Variants in STARD13 observed in about 807,000 individuals in gnomAD.
The protein encoded by STARD13 is StAR related lipid transfer domain containing 13.
In STARD13, 62 loss-of-function variants were observed where a neutral mutation model predicts 106.4. The observed-to-expected ratio is 0.58, with a 90% CI of 0.48 to 0.72. The LOEUF is 0.72. Among genes scored for constraint, STARD13 ranks in the 30% least tolerant of loss-of-function variants. STARD13 has a pLI of 0.00. For missense variants in STARD13, 1,387 were observed against 1,424.0 expected, an observed-to-expected ratio of 0.97 and a Z score of 0.42; for synonymous variants, 565 against 553.0, an observed-to-expected ratio of 1.02 and a Z score of -0.31.
At chr13:33,636,220 A>G in the STARD13 span, among the ~76,000 whole-genome samples, 139 of 151,822 alleles carry the variant, frequency 9.2e-4, 1 homozygote, top group Admixed American at 4.3e-3. Context: ...AATGCTCAGT[A>G]TATGGTAGTA....
At chr13:33,434,352 CA>C in the STARD13 span, among the ~76,000 whole-genome samples, 10,877 of 69,864 alleles carry the variant, frequency 0.16, 286 homozygotes, top group East Asian at 0.24. Context: ...GACTCTGTCT[CA>C]AAAAAAAAAA....
the STARD13 span, among the ~76,000 whole-genome samples, chr13:33,590,793 C>T: frequency 6.6e-6 from 1 of 151,892 alleles, no homozygotes; most frequent in East Asian, 1.9e-4. Context: ...CAATATGGCA[C>T]ATGTATACAT....
At chr13:33,516,136 TTATA>T in the STARD13 span, among the ~76,000 whole-genome samples, 1 of 147,960 alleles carries the variant, frequency 6.8e-6, no homozygotes, top group African/African-American at 2.5e-5. Context: ...CTCAGAAGTG[TTATA>T]TATAATTTAT....
At chr13:33,157,660 ACT>A (rs1161791635) in intron 3 of STARD13, among the ~76,000 whole-genome samples, 1 of 152,082 alleles carries the variant, frequency 6.6e-6, no homozygotes, top group Non-Finnish European at 1.5e-5. Context: ...ACAGAGTGAG[ACT>A]CTGCCTAAAA....
chr13:33,433,119 A>G, the STARD13 span, among the ~76,000 whole-genome samples: 1 of 152,334 alleles, frequency 6.6e-6, no homozygotes, highest in African/African-American at 2.4e-5. Flanking sequence ...CAACAAAATA[A>G]ATTGATACTT....
intron 1 of STARD13, among the ~76,000 whole-genome samples, chr13:33,186,863 C>T (rs566506710): frequency 6.6e-6 from 1 of 152,284 alleles, no homozygotes; most frequent in South Asian, 2.1e-4. Flanking sequence ...CCAGACACCA[C>T]CAAACTACCT....
At chr13:33,238,327 C>T (rs1237638656) in intron 1 of STARD13, among the ~76,000 whole-genome samples, 1 of 152,044 alleles carries the variant, frequency 6.6e-6, no homozygotes, top group East Asian at 1.9e-4. Flanking sequence ...ATCTGCTTGT[C>T]CTAAGGCACT....
the STARD13 span, among the ~76,000 whole-genome samples, chr13:33,477,105 G>A: frequency 1.3e-5 from 2 of 152,198 alleles, no homozygotes; most frequent in Non-Finnish European, 2.9e-5. Context: ...GACAAATTAA[G>A]AAATGTTACC....
At chr13:33,490,601 C>A in the STARD13 span, among the ~76,000 whole-genome samples, 1 of 152,136 alleles carries the variant, frequency 6.6e-6, no homozygotes, top group Non-Finnish European at 1.5e-5. Flanking sequence ...GGGGAAGATA[C>A]CTTCCCACTC....
the STARD13 span, among the ~76,000 whole-genome samples, chr13:33,564,780 T>G: frequency 6.8e-6 from 1 of 146,098 alleles, no homozygotes; most frequent in Non-Finnish European, 1.5e-5. Flanking sequence ...GATCATGAGG[T>G]CAGGAGATCG....
In STARD13 at chr13:33,130,579, C is replaced by G. The variant is rs1434122795; in HGVS notation, c.388-290G>C. Among the ~76,000 whole-genome samples, 2 of 152,218 alleles carry G rather than the reference C, an allele frequency of 1.3e-5. No individual in the cohort carries two copies. Among genetic ancestry groups the G allele is most frequent in the African/African-American group, 4.8e-5 (2 of 41,448 alleles). On this transcript the variant is annotated intron_variant, in intron 4 of 13. Coordinates refer to ENST00000336934, the MANE Select transcript of STARD13 (RefSeq NM_178006.4). This position sits in a 1 kb window ranked among gnomAD's most constrained non-coding sequence, Gnocchi z 4.1. ...CCTTCCTTCCTCTCTAAGAAGTTTTCCCTGACTGATTATAAAGAGGGTATA... is the reference window on the plus strand; with the variant it reads ...CCTTCCTTCCTCTCTAAGAAGTTTTGCCTGACTGATTATAAAGAGGGTATA...
chr13:33,369,713 AT>A, the STARD13 span, among the ~76,000 whole-genome samples: 3 of 152,046 alleles, frequency 2.0e-5, no homozygotes, highest in Non-Finnish European at 4.4e-5. Flanking sequence ...CATTACATAT[AT>A]TTTTTACATA....
chr13:33,224,215 C>A (rs910380216), intron 1 of STARD13, among the ~76,000 whole-genome samples: 2 of 152,182 alleles, frequency 1.3e-5, no homozygotes, highest in African/African-American at 4.8e-5. Context: ...GTAGGAAACA[C>A]CAGGTAGCCA....
chr13:33,168,392 A>T (rs1883574152), intron 1 of STARD13, among the ~76,000 whole-genome samples: 1 of 152,122 alleles, frequency 6.6e-6, no homozygotes, highest in Non-Finnish European at 1.5e-5. Context: ...CCACCGGACC[A>T]CCTGCCTGGG....
chr13:33,226,459 G>A (rs1434302356), intron 1 of STARD13, among the ~76,000 whole-genome samples: 3 of 126,420 alleles, frequency 2.4e-5, no homozygotes, highest in Non-Finnish European at 1.6e-5. Flanking sequence ...TTTTTTAGAT[G>A]AATATTGTTT....
At chr13:33,574,428 T>G in the STARD13 span, among the ~76,000 whole-genome samples, 2 of 152,106 alleles carry the variant, frequency 1.3e-5, no homozygotes, top group African/African-American at 4.8e-5. Context: ...CTAAAAAAAG[T>G]TTTCCACACT....
At chr13:33,237,925 C>T (rs951843329) in intron 1 of STARD13, among the ~76,000 whole-genome samples, 1 of 152,108 alleles carries the variant, frequency 6.6e-6, no homozygotes, top group Non-Finnish European at 1.5e-5. Context: ...TCATTAGTGT[C>T]TTCATAAAAA....
intron 1 of STARD13, among the ~76,000 whole-genome samples, chr13:33,293,543 T>G (rs915085582): frequency 6.6e-6 from 1 of 152,170 alleles, no homozygotes; most frequent in Non-Finnish European, 1.5e-5. Context: ...CCTTAAATAC[T>G]GTGATGGTTA....
At chr13:33,116,110 T>C (rs1875332853) in intron 8 of STARD13, among the ~76,000 whole-genome samples, 2 of 152,206 alleles carry the variant, frequency 1.3e-5, no homozygotes, top group South Asian at 4.2e-4. Flanking sequence ...CTTGCCCTAA[T>C]ATTCAATGTC....
Sources: allele counts gnomAD v4.1 joint callset (sites outside exome capture counted in the v4.1 genomes callset), GRCh38; gene constraint gnomAD v4.1.1; non-coding constraint Gnocchi (gnomAD v3.1); transcripts MANE v1.5; gene names NCBI Gene and HGNC (gene_info 2026-07-23, HGNC 2026-07-21).